Variants in SLC44A1 observed in about 807,000 individuals in gnomAD.
The protein encoded by SLC44A1 is solute carrier family 44 member 1.
SLC44A1 carries 26 observed loss-of-function variants against 79.3 expected under a neutral mutation model. The observed-to-expected ratio is 0.33, with a 90% CI of 0.24 to 0.46. The LOEUF (loss-of-function observed/expected upper bound fraction) is 0.46, where lower values mean the gene tolerates loss of function less well. Ranked by LOEUF, SLC44A1 falls within the 20% of genes least tolerant of loss-of-function variation. The pLI is 1.00. For missense variants in SLC44A1, 688 were observed against 798.1 expected, an observed-to-expected ratio of 0.86 and a Z score of 1.66; for synonymous variants, 263 against 286.2, an observed-to-expected ratio of 0.92 and a Z score of 0.82.
chr9:105,414,699 A>G (rs772672115), intron 15 of SLC44A1, among the ~76,000 whole-genome samples: 16 of 152,214 alleles, frequency 1.1e-4, no homozygotes, highest in Non-Finnish European at 1.2e-4. Context: ...CAAAAGGCTA[A>G]GGCAGGAAGA....
Position 105,396,565 on chromosome 9 carries a change from A to T in SLC44A1, c.*7509A>T. The T allele has an allele frequency of 1.0e-6, 1 of 985,412 alleles. No homozygotes were observed. 61.0% of individuals were successfully genotyped at this position (985,412 alleles called of 1,614,324 possible). ...GGGACCTGCTATTGATCTCTCAGGC[A>T]CTGAGTCTTCACATCCAGTGTCAAG... On this transcript the variant is annotated 3_prime_UTR_variant, in exon 16 of 16. Transcript: ENST00000374720.
intron 1 of SLC44A1, among the ~76,000 whole-genome samples, chr9:105,249,866 T>A (rs1025013577): frequency 6.8e-4 from 69 of 102,028 alleles, no homozygotes; most frequent in Non-Finnish European, 1.1e-3. Context: ...AGTTTACTAA[T>A]TTTTTTTTTT....
Position 105,390,237 on chromosome 9 carries a change from C to G in SLC44A1, c.*1181C>G, listed in dbSNP as rs974246047. The G allele has an allele frequency of 9.2e-7, 1 of 1,089,604 alleles. No homozygotes were observed. Among genetic ancestry groups the G allele is most frequent in the East Asian group, 5.8e-5 (1 of 17,368 alleles). 67.5% of individuals were successfully genotyped at this position (1,089,604 alleles called of 1,614,324 possible). ...TTACCAGATATGAATGGCTAATACT[C>G]CATTGTTCTGCTTGTTGTAATGGTG... On this transcript the variant is annotated 3_prime_UTR_variant, in exon 16 of 16. Coordinates refer to ENST00000374720, the MANE Select transcript of SLC44A1 (RefSeq NM_080546.5).
intron 15 of SLC44A1, chr9:105,385,815 A>G: frequency 3.0e-6 from 3 of 985,334 alleles, no homozygotes; most frequent in South Asian, 9.4e-5. Flanking sequence ...TTTAACTGTC[A>G]GTGTTTGGCT....
chr9:105,392,946 A>G lies in SLC44A1; in HGVS notation c.*3890A>G. On this transcript the variant is annotated 3_prime_UTR_variant, in exon 16 of 16. Transcript: ENST00000374720. ...TAAGTAAGTTCTTTACTGCTTTTCTACTGCTACTTTAAAAAAAAAACAACA... is the reference window on the plus strand; with the variant it reads ...TAAGTAAGTTCTTTACTGCTTTTCTGCTGCTACTTTAAAAAAAAAACAACA... 2.0e-6 allele frequency: 2 copies of G among 984,390 alleles called. No individual in the cohort carries two copies. The highest frequency in any genetic ancestry group is 2.4e-6 in the Non-Finnish European group (2 of 829,460). The allele number at this position is 984,390 out of a possible 1,614,324, so 61.0% of individuals were successfully genotyped here. A position where few individuals can be genotyped will look rare whatever the true frequency, so the allele number is the denominator to read the frequency against.
At chr9:105,344,598 C>T (rs73512046) in intron 4 of SLC44A1, among the ~76,000 whole-genome samples, 1 of 152,134 alleles carries the variant, frequency 6.6e-6, no homozygotes, top group African/African-American at 2.4e-5. Context: ...TTGTATATAA[C>T]ATATAACACC....
intron 15 of SLC44A1, among the ~76,000 whole-genome samples, chr9:105,406,964 G>C (rs1829037119): frequency 6.6e-6 from 1 of 152,102 alleles, no homozygotes; most frequent in South Asian, 2.1e-4. Context: ...AAAACCTGGA[G>C]TTGAAAATAA....
chr9:105,413,973 T>C (rs1490263975), intron 15 of SLC44A1, among the ~76,000 whole-genome samples: 3 of 151,080 alleles, frequency 2.0e-5, no homozygotes, highest in Non-Finnish European at 4.4e-5. Context: ...CAAACATTTT[T>C]CTAAGAGTCA....
At chr9:105,311,160 A>G (rs916780223) in intron 3 of SLC44A1, among the ~76,000 whole-genome samples, 6 of 152,264 alleles carry the variant, frequency 3.9e-5, no homozygotes, top group African/African-American at 1.4e-4. Flanking sequence ...TTTAGACTGT[A>G]TGTTATTTCT....
At chr9:105,427,037 G>C (rs767490677) in intron 15 of SLC44A1, among the ~76,000 whole-genome samples, 1 of 151,724 alleles carries the variant, frequency 6.6e-6, no homozygotes, top group Non-Finnish European at 1.5e-5. Flanking sequence ...CTAGGCTCAA[G>C]CAGTTCTCCC....
At chr9:105,411,443 T>C (rs2131507340) in intron 15 of SLC44A1, among the ~76,000 whole-genome samples, 1 of 147,082 alleles carries the variant, frequency 6.8e-6, no homozygotes, top group South Asian at 2.1e-4. Context: ...TCTTGGTCTC[T>C]CTCTGTGTAT....
At chr9:105,405,990 G>C (rs1054066304) in intron 15 of SLC44A1, among the ~76,000 whole-genome samples, 7 of 152,154 alleles carry the variant, frequency 4.6e-5, no homozygotes, top group Admixed American at 1.3e-4. Context: ...GACCTGAGAA[G>C]ACCACAAACG....
chr9:105,381,045 C>T (rs1466526759), intron 13 of SLC44A1, among the ~76,000 whole-genome samples: 1 of 152,192 alleles, frequency 6.6e-6, no homozygotes, highest in Non-Finnish European at 1.5e-5. Flanking sequence ...ACTTCCATCT[C>T]ACCAGCTTTT....
chr9:105,298,957 C>G (rs1270287498), intron 1 of SLC44A1, among the ~76,000 whole-genome samples: 1 of 152,048 alleles, frequency 6.6e-6, no homozygotes, highest in African/African-American at 2.4e-5. Context: ...GCTAAAAACT[C>G]TAATACAGGT....
At chr9:105,318,338 A>C (rs1401403305) in intron 3 of SLC44A1, among the ~76,000 whole-genome samples, 2 of 151,830 alleles carry the variant, frequency 1.3e-5, no homozygotes, top group African/African-American at 4.8e-5. Flanking sequence ...CTGCCACCAC[A>C]CCCAGCTAAT....
intron 15 of SLC44A1, among the ~76,000 whole-genome samples, chr9:105,432,084 G>A (rs1829405301): frequency 6.6e-6 from 1 of 152,124 alleles, no homozygotes; most frequent in Admixed American, 6.5e-5. Context: ...AGCACTCCTG[G>A]CTAATTTTTT....
chr9:105,344,994 TAAAC>T (rs562590074), intron 4 of SLC44A1, among the ~76,000 whole-genome samples: 26 of 152,184 alleles, frequency 1.7e-4, no homozygotes, highest in Non-Finnish European at 2.8e-4. Flanking sequence ...GGAAGCTTGT[TAAAC>T]AGCAAGCATT....
At chr9:105,263,391 A>C (rs1335564190) in intron 1 of SLC44A1, among the ~76,000 whole-genome samples, 2 of 152,188 alleles carry the variant, frequency 1.3e-5, no homozygotes, top group Non-Finnish European at 2.9e-5. Flanking sequence ...GTGTGTTTTA[A>C]AGTTAAACAC....
At chr9:105,278,355 TCTC>T (rs1228864263) in intron 1 of SLC44A1, among the ~76,000 whole-genome samples, 4 of 152,168 alleles carry the variant, frequency 2.6e-5, no homozygotes, top group Non-Finnish European at 5.9e-5. Context: ...TTCACACCAT[TCTC>T]CTGCCTCAGC....
Sources: allele counts gnomAD v4.1 joint callset (sites outside exome capture counted in the v4.1 genomes callset), GRCh38; gene constraint gnomAD v4.1.1; transcripts MANE v1.5; gene names NCBI Gene and HGNC (gene_info 2026-07-23, HGNC 2026-07-21).